The following KAZN variants were observed in gnomAD, a reference collection of about 807,000 sequenced individuals.
The protein encoded by KAZN is kazrin, periplakin interacting protein.
In KAZN, 40 loss-of-function variants were observed where a neutral mutation model predicts 87.4. The ratio of observed to expected loss-of-function variants is 0.46; its 90% CI spans 0.36 to 0.60. KAZN has a LOEUF of 0.60. Ranked by LOEUF, KAZN falls within the 20% of genes least tolerant of loss-of-function variation. The pLI is 0.00. For missense variants in KAZN, 898 were observed against 1,073.9 expected, an observed-to-expected ratio of 0.84 and a Z score of 2.29; for synonymous variants, 466 against 458.3, an observed-to-expected ratio of 1.02 and a Z score of -0.22.
intron 2 of KAZN, among the ~76,000 whole-genome samples, chr1:14,187,976 C>A (rs1198741162): frequency 2.6e-5 from 4 of 152,044 alleles, no homozygotes; most frequent in Non-Finnish European, 4.4e-5. Context: ...GGGGGAAACA[C>A]CGGTGAAGAT....
At chr1:14,086,625 T>C (rs1643866543) in intron 1 of KAZN, among the ~76,000 whole-genome samples, 3 of 152,238 alleles carry the variant, frequency 2.0e-5, no homozygotes, top group Non-Finnish European at 4.4e-5. Flanking sequence ...TCTTTGCCTA[T>C]TTAAGTAGAC....
chr1:14,024,715 A>C (rs1259365786), intron 1 of KAZN, among the ~76,000 whole-genome samples: 1 of 152,176 alleles, frequency 6.6e-6, no homozygotes, highest in Non-Finnish European at 1.5e-5. Context: ...GGTGTGGGAT[A>C]AACCCAGGGG....
chr1:14,596,110 A>C (rs1323982796), upstream of KAZN, among the ~76,000 whole-genome samples: 3 of 152,226 alleles, frequency 2.0e-5, no homozygotes, highest in East Asian at 3.8e-4. Context: ...AAACACACTC[A>C]CACGCATTCA....
intron 1 of KAZN, among the ~76,000 whole-genome samples, chr1:13,940,686 T>G (rs1207221669): frequency 7.9e-5 from 12 of 152,158 alleles, no homozygotes; most frequent in Admixed American, 7.2e-4. Context: ...ATTAGTGAAC[T>G]GGAAAATTAA....
intron 2 of KAZN, among the ~76,000 whole-genome samples, chr1:14,498,494 C>G (rs1670071977): frequency 6.6e-6 from 1 of 152,100 alleles, no homozygotes; most frequent in Non-Finnish European, 1.5e-5. Flanking sequence ...GGGTTTGAGA[C>G]CAGCCTGGCC....
chr1:14,489,186 GAAA>G (rs749089062), intron 2 of KAZN, among the ~76,000 whole-genome samples: 3 of 151,874 alleles, frequency 2.0e-5, no homozygotes, highest in Non-Finnish European at 4.4e-5. Context: ...TTGGAAATGT[GAAA>G]AAAAGAAGAA....
chr1:14,052,869 C>T (rs1642400018), intron 1 of KAZN, among the ~76,000 whole-genome samples: 1 of 152,176 alleles, frequency 6.6e-6, no homozygotes, highest in Non-Finnish European at 1.5e-5. Flanking sequence ...TGCTCCTGTA[C>T]CCATCTGCAG....
Position 14,599,072 on chromosome 1 carries a change from C to A in KAZN, c.75C>A (p.Asn25Lys), listed in dbSNP as rs1395761256. The A allele has an allele frequency of 6.4e-7, 1 of 1,561,744 alleles. No individual in the cohort carries two copies. Among genetic ancestry groups the A allele is most frequent in the Non-Finnish European group, 8.6e-7 (1 of 1,158,678 alleles). Reference protein sequence around the residue: ...AVQSASQEVTNLRAELTATNR... With the variant: ...AVQSASQEVTKLRAELTATNR... The stretch of plus-strand genomic sequence containing the variant: ...AGTCGGCCAGCCAGGAGGTGACCAA[C>A]CTGCGAGCCGAACTCACGGCCACCA... Residue 25 changes from asparagine to lysine, a missense_variant, in exon 1 of 15, where the codon AAC becomes AAA. Asn to Lys is a moderately conservative substitution (Grantham distance 94). Coordinates refer to ENST00000376030, the MANE Select transcript of KAZN (RefSeq NM_201628.3). This position sits in a 1 kb window ranked among gnomAD's most constrained non-coding sequence, Gnocchi z 4.4.
intron 1 of KAZN, among the ~76,000 whole-genome samples, chr1:14,678,244 G>A (rs1009082730): frequency 2.6e-5 from 4 of 152,222 alleles, no homozygotes; most frequent in African/African-American, 7.2e-5. Flanking sequence ...ACTAGAAAAA[G>A]CAGGCAGAAG....
chr1:14,401,410 A>G lies in KAZN; in HGVS notation c.250-197573A>G, dbSNP rs77561431. ...CAGGTCAATCTCGTATGTTGAACAC[A>G]GAGGGAAAAATTCTAAATAAGAGCA... On this transcript the variant is annotated intron_variant, in intron 2 of 16. Transcript: ENST00000636203. Among the ~76,000 whole-genome samples the G allele has an allele frequency of 9.6e-3, 1,455 of 151,806 alleles. 18 individuals carry two copies. The highest frequency in any genetic ancestry group is 0.033 in the African/African-American group (1,373 of 41,322).
intron 2 of KAZN, among the ~76,000 whole-genome samples, chr1:14,505,018 A>T (rs1670475409): frequency 6.6e-6 from 1 of 152,192 alleles, no homozygotes; most frequent in African/African-American, 2.4e-5. Context: ...CGAAAAGTGT[A>T]GCTCAGGAGG....
intron 2 of KAZN, among the ~76,000 whole-genome samples, chr1:14,455,502 G>A (rs555857369): frequency 6.6e-6 from 1 of 152,328 alleles, no homozygotes; most frequent in South Asian, 2.1e-4. Context: ...TGTTTGCAAA[G>A]AGGCTTTGAG....
intron 1 of KAZN, among the ~76,000 whole-genome samples, chr1:13,941,319 C>G (rs1640919922): frequency 6.6e-6 from 1 of 152,208 alleles, no homozygotes; most frequent in African/African-American, 2.4e-5. Flanking sequence ...TCAAACAGTT[C>G]CCTTCCCTTT....
chr1:14,740,598 A>G (rs180686705), intron 1 of KAZN, among the ~76,000 whole-genome samples: 2 of 151,928 alleles, frequency 1.3e-5, no homozygotes, highest in East Asian at 3.9e-4. Flanking sequence ...AAATCCCTCT[A>G]TAGCTCCTGT....
chr1:14,732,782 A>C (rs1157321652), intron 1 of KAZN, among the ~76,000 whole-genome samples: 5 of 152,188 alleles, frequency 3.3e-5, no homozygotes, highest in Non-Finnish European at 5.9e-5. Context: ...CGAAGTGGTT[A>C]GGGATTTCTT....
intron 1 of KAZN, among the ~76,000 whole-genome samples, chr1:14,881,319 G>C (rs565117476): frequency 6.6e-6 from 1 of 152,170 alleles, no homozygotes; most frequent in South Asian, 2.1e-4. Context: ...TGTCAAAACT[G>C]GTAGGTGCAG....
At chr1:13,918,073 C>A (rs1287798777) in intron 1 of KAZN, among the ~76,000 whole-genome samples, 3 of 152,132 alleles carry the variant, frequency 2.0e-5, no homozygotes, top group Admixed American at 2.0e-4. Flanking sequence ...CATTCTGTAG[C>A]CCATGGAACA....
chr1:15,031,878 G>C (rs1671746681), intron 2 of KAZN, among the ~76,000 whole-genome samples: 1 of 152,088 alleles, frequency 6.6e-6, no homozygotes, highest in Non-Finnish European at 1.5e-5. Context: ...AAGGTGCTAG[G>C]ATTACAAGCA....
At chr1:15,003,877 C>T (rs186478129) in intron 2 of KAZN, among the ~76,000 whole-genome samples, 1 of 152,330 alleles carries the variant, frequency 6.6e-6, no homozygotes, top group Admixed American at 6.5e-5. Flanking sequence ...CCAGGTGTCA[C>T]TCACAGTGTC....
Sources: allele counts gnomAD v4.1 joint callset (sites outside exome capture counted in the v4.1 genomes callset), GRCh38; gene constraint gnomAD v4.1.1; non-coding constraint Gnocchi (gnomAD v3.1); transcripts MANE v1.5; gene names NCBI Gene and HGNC (gene_info 2026-07-23, HGNC 2026-07-21).